Variants in SORCS1 observed in about 807,000 individuals in gnomAD.
The protein encoded by SORCS1 is VPS10 domain-containing receptor SorCS1.
A neutral mutation model predicts 146.1 loss-of-function variants in SORCS1; 60 were observed. The ratio of observed to expected loss-of-function variants is 0.41; its 90% CI spans 0.33 to 0.51. The LOEUF (loss-of-function observed/expected upper bound fraction) is 0.51. Among genes scored for constraint, SORCS1 ranks in the 20% least tolerant of loss-of-function variants. SORCS1 has a pLI of 0.21. For synonymous variants in SORCS1, 637 were observed against 584.0 expected (o/e 1.09, Z -1.31); for missense variants, 1,352 against 1,487.6 (o/e 0.91, Z 1.50).
At chr10:106,601,268 T>G (rs1307064280) in intron 23 of SORCS1, among the ~76,000 whole-genome samples, 1 of 152,244 alleles carries the variant, frequency 6.6e-6, no homozygotes, top group Non-Finnish European at 1.5e-5. Flanking sequence ...TTTTTCTGTC[T>G]GGTGAAAAGC....
chr10:106,964,388 T>A (rs1955399313), intron 1 of SORCS1, among the ~76,000 whole-genome samples: 1 of 152,062 alleles, frequency 6.6e-6, no homozygotes, highest in African/African-American at 2.4e-5. Flanking sequence ...ACTGCAGCCT[T>A]GAACTCCTGA....
At chr10:107,077,462 T>G (rs1242942532) in intron 1 of SORCS1, among the ~76,000 whole-genome samples, 1 of 145,056 alleles carries the variant, frequency 6.9e-6, no homozygotes. Flanking sequence ...TTTTTCTGTG[T>G]TTTTTTTTTA....
chr10:106,839,744 T>G (rs988620431), intron 2 of SORCS1, among the ~76,000 whole-genome samples: 1 of 152,196 alleles, frequency 6.6e-6, no homozygotes, highest in Non-Finnish European at 1.5e-5. Flanking sequence ...ACTTTCTTGT[T>G]GGGGGCTAAT....
intron 25 of SORCS1, 113 bp downstream of exon 25, chr10:106,579,256 A>T: frequency 6.2e-7 from 1 of 1,614,120 alleles, no homozygotes; most frequent in African/African-American, 1.3e-5. Context: ...ATCTTCCTAA[A>T]ATATTAATAG....
intron 1 of SORCS1, among the ~76,000 whole-genome samples, chr10:107,065,030 G>A (rs577399991): frequency 6.6e-6 from 1 of 152,246 alleles, no homozygotes; most frequent in African/African-American, 2.4e-5. Context: ...GAGCTCGAGT[G>A]GATTTGCTTC....
rs369681260 is a variant in SORCS1 at position 107,057,823 on chromosome 10, T to A, written c.559-101243A>T. Reference sequence around the variant, plus strand: ...ACGGACCTTGTGTTTTGTTTCCTTGTTTAGAGAGGAGTCTCACTATTCTCC... The same window carrying A: ...ACGGACCTTGTGTTTTGTTTCCTTGATTAGAGAGGAGTCTCACTATTCTCC... On this transcript the variant is annotated intron_variant, in intron 1 of 25. Transcript: ENST00000263054. Among the ~76,000 whole-genome samples, 6 of 152,258 alleles carry A rather than the reference T, an allele frequency of 3.9e-5. No individual in the cohort carries two copies. In the East Asian group the frequency reaches 9.7e-4, roughly 25 times the overall value.
chr10:107,163,428 T>C (rs1490842066), intron 1 of SORCS1, among the ~76,000 whole-genome samples: 2 of 152,196 alleles, frequency 1.3e-5, no homozygotes, highest in Admixed American at 6.5e-5. Context: ...AAGCAGAGGA[T>C]ACACTAAAGA....
chr10:106,898,143 T>C (rs970102608), intron 2 of SORCS1, among the ~76,000 whole-genome samples: 27 of 152,344 alleles, frequency 1.8e-4, no homozygotes, highest in Non-Finnish European at 2.9e-4. Flanking sequence ...CTTAGGGCAA[T>C]GTGAAATCCC....
At chr10:106,949,013 A>T (rs896107729) in intron 2 of SORCS1, among the ~76,000 whole-genome samples, 2 of 152,170 alleles carry the variant, frequency 1.3e-5, no homozygotes, top group African/African-American at 4.8e-5. Flanking sequence ...AACCAGCTCC[A>T]AGTGACACAA....
intron 1 of SORCS1, among the ~76,000 whole-genome samples, chr10:107,076,451 T>C (rs749608893): frequency 1.3e-5 from 2 of 152,156 alleles, no homozygotes; most frequent in Non-Finnish European, 2.9e-5. Context: ...CTAAACTGTA[T>C]GCACAATACA....
In SORCS1 at chr10:107,164,127, C is replaced by CT. The variant is rs1285673560; in HGVS notation, c.399dup (p.Asp134ArgfsTer63). ...GTCCCAGGCTCCTGCTGCCCTCCAT[C>CT]TCTTAGCACTCCCCGGGGGCTCCGA... On this transcript the variant is annotated frameshift_variant, in exon 1 of 26. Transcript: ENST00000263054. LOFTEE classifies it high-confidence loss of function. The surrounding 1 kb of genome is among the most constrained non-coding windows in gnomAD (Gnocchi z 6.8). 6.2e-7 allele frequency: 1 copy of CT among 1,613,574 alleles called. No homozygotes were observed. The highest frequency in any genetic ancestry group is 8.5e-7 in the Non-Finnish European group (1 of 1,180,016).
intron 1 of SORCS1, among the ~76,000 whole-genome samples, chr10:107,122,091 G>T (rs1043846707): frequency 6.6e-6 from 1 of 152,164 alleles, no homozygotes; most frequent in African/African-American, 2.4e-5. Context: ...CTTGAGAAGT[G>T]CTCCGGAGAC....
At chr10:106,754,579 G>C (rs1858495961) in intron 5 of SORCS1, among the ~76,000 whole-genome samples, 1 of 152,170 alleles carries the variant, frequency 6.6e-6, no homozygotes, top group Non-Finnish European at 1.5e-5. Context: ...CACAAGGCTT[G>C]GCACACAGTA....
intron 5 of SORCS1, among the ~76,000 whole-genome samples, chr10:106,731,064 C>T (rs1012424638): frequency 4.0e-5 from 6 of 151,434 alleles, no homozygotes; most frequent in Non-Finnish European, 8.8e-5. Context: ...AATCCCAGCA[C>T]TTTGGGAGGC....
chr10:106,818,455 TC>T (rs970512293), intron 3 of SORCS1, among the ~76,000 whole-genome samples: 4 of 151,300 alleles, frequency 2.6e-5, no homozygotes, highest in African/African-American at 7.3e-5. Flanking sequence ...AAACTCCACC[TC>T]CCAGGTTCAA....
chr10:107,173,914 G>A, the SORCS1 span, among the ~76,000 whole-genome samples: 11 of 152,208 alleles, frequency 7.2e-5, no homozygotes, highest in Middle Eastern at 3.4e-3. Flanking sequence ...CAAATTTTGT[G>A]CTAACAAAGC....
intron 2 of SORCS1, among the ~76,000 whole-genome samples, chr10:106,889,969 C>T (rs1315777802): frequency 6.7e-6 from 1 of 149,162 alleles, no homozygotes; most frequent in Non-Finnish European, 1.5e-5. Context: ...TGACTTTACA[C>T]TACTATTTCT....
chr10:106,608,367 T>TC (rs1564771477), intron 22 of SORCS1, among the ~76,000 whole-genome samples: 2 of 152,236 alleles, frequency 1.3e-5, no homozygotes, highest in Non-Finnish European at 2.9e-5. Context: ...TTGCTATTTA[T>TC]CCTTCATGAG....
Position 107,164,297 on chromosome 10 carries a change from A to T in SORCS1, c.230T>A (p.Leu77Gln), listed in dbSNP as rs1969942031. The change falls in exon 1 of 26, where the codon CTG (leucine) becomes CAG (glutamine). Residue 77 changes from leucine (L) to glutamine (Q), a missense_variant. This residue lies in a region of SORCS1 where 490 missense variants were observed against 489.1 expected (regional missense o/e 1.00). Coordinates refer to ENST00000263054, the MANE Select transcript of SORCS1 (RefSeq NM_052918.5). This position sits in a 1 kb window ranked among gnomAD's most constrained non-coding sequence, Gnocchi z 6.8. The part of the protein sequence containing the change: ...ATPLPLVVRP[L>Q]FSVAPGDRAL... ...TCGGTCCCCGGGGGCCACTGAGAAC[A>T]GGGGACGCACTACGAGGGGCAGGGG... The T allele has an allele frequency of 6.3e-7, 1 of 1,588,626 alleles. No homozygotes were observed. Among genetic ancestry groups the T allele is most frequent in the African/African-American group, 1.3e-5 (1 of 74,590 alleles).
Sources: allele counts gnomAD v4.1 joint callset (sites outside exome capture counted in the v4.1 genomes callset), GRCh38; gene constraint gnomAD v4.1.1; regional missense constraint gnomAD v4.1.1; non-coding constraint Gnocchi (gnomAD v3.1); transcripts MANE v1.5; gene names NCBI Gene and HGNC (gene_info 2026-07-23, HGNC 2026-07-21).